PCCA: variants seen among roughly 807,000 people sequenced by gnomAD.
The protein encoded by PCCA is propionyl-CoA carboxylase alpha chain, mitochondrial.
In PCCA, 74 loss-of-function variants were observed where a neutral mutation model predicts 101.3. The observed-to-expected ratio is 0.73, with a 90% CI of 0.61 to 0.89. The LOEUF (loss-of-function observed/expected upper bound fraction) is 0.89. PCCA is among the 40% of genes least tolerant of loss of function. PCCA has a pLI of 0.00. For synonymous variants in PCCA, 294 were observed against 313.6 expected (o/e 0.94, Z 0.66); for missense variants, 891 against 907.0 (o/e 0.98, Z 0.23).
chr13:100,209,033 G>A (rs1242762270), intron 6 of PCCA, among the ~76,000 whole-genome samples: 3 of 152,148 alleles, frequency 2.0e-5, no homozygotes, highest in Non-Finnish European at 4.4e-5. Context: ...GCTAGATTAG[G>A]TGGTGTAGGA....
At chr13:100,121,554 A>G (rs1395171437) in intron 4 of PCCA, among the ~76,000 whole-genome samples, 1 of 150,538 alleles carries the variant, frequency 6.6e-6, no homozygotes, top group African/African-American at 2.4e-5. Flanking sequence ...GGCTCACTGT[A>G]ACCTCCGCCT....
At chr13:100,437,565 T>A (rs1042551267) in intron 20 of PCCA, among the ~76,000 whole-genome samples, 1 of 152,080 alleles carries the variant, frequency 6.6e-6, no homozygotes. Context: ...GTGTTTCTGT[T>A]TTCATTGCCG....
At chr13:100,236,041 C>T (rs1379542917) in intron 8 of PCCA, among the ~76,000 whole-genome samples, 163 bp downstream of exon 8, 1 of 152,106 alleles carries the variant, frequency 6.6e-6, no homozygotes, top group Non-Finnish European at 1.5e-5. Context: ...TTGCCAAATT[C>T]TATTATTAAA....
rs929339567 is a variant in PCCA, at chr13:100,498,419, G to A, written c.1900-17008G>A. On this transcript the variant is annotated intron_variant, in intron 21 of 23. Transcript: ENST00000376285. Reference sequence around the variant, plus strand: ...CCACAAATCAGTTGGAAACACGCCCGTATTAGTGACTGAAGAGCCTGCAAA... The same window carrying A: ...CCACAAATCAGTTGGAAACACGCCCATATTAGTGACTGAAGAGCCTGCAAA... 7.2e-5 allele frequency among the ~76,000 whole-genome samples: 11 copies of A among 152,194 alleles called. 1 individual carries two copies. In the South Asian group the frequency reaches 1.0e-3, roughly 14 times the overall value.
At chr13:100,500,811 C>T (rs942703265) in intron 21 of PCCA, among the ~76,000 whole-genome samples, 3 of 152,192 alleles carry the variant, frequency 2.0e-5, no homozygotes, top group African/African-American at 7.2e-5. Flanking sequence ...CTTGAGACAT[C>T]AAATAAGCAA....
intron 12 of PCCA, among the ~76,000 whole-genome samples, chr13:100,276,732 A>G (rs923154262): frequency 1.4e-4 from 22 of 151,834 alleles, no homozygotes; most frequent in Non-Finnish European, 2.4e-4. Context: ...TGAAATTTCT[A>G]TTTGGTTCTT....
At chr13:100,524,877 TA>T (rs2087627252) in intron 22 of PCCA, among the ~76,000 whole-genome samples, 1 of 151,908 alleles carries the variant, frequency 6.6e-6, no homozygotes. Context: ...GTCTCTAAGA[TA>T]GATAGATAGA....
At chr13:100,110,593 G>A (rs970609028) in intron 2 of PCCA, among the ~76,000 whole-genome samples, 19 of 152,152 alleles carry the variant, frequency 1.2e-4, no homozygotes, top group African/African-American at 3.9e-4. Flanking sequence ...TTCAAATGGT[G>A]TAATCTGCTT....
At position 100,470,368 on chromosome 13, in the gene PCCA, G is replaced by A. The variant is rs114824080; in HGVS notation, c.1899+21063G>A. Among the ~76,000 whole-genome samples, 942 of 152,218 alleles carry A rather than the reference G, an allele frequency of 6.2e-3. 16 individuals carry two copies. The highest frequency in any genetic ancestry group is 0.014 in the African/African-American group (594 of 41,538). Reference sequence around the variant, plus strand: ...AAAGACAGTAGCTTATGTTTATGGCGGGCACCTCTCATCACAGTCATTCCC... The same window carrying A: ...AAAGACAGTAGCTTATGTTTATGGCAGGCACCTCTCATCACAGTCATTCCC... On this transcript the variant is annotated intron_variant, in intron 21 of 23. Transcript: ENST00000376285.
intron 4 of PCCA, among the ~76,000 whole-genome samples, chr13:100,138,658 G>A (rs1233233827): frequency 1.3e-5 from 2 of 152,000 alleles, no homozygotes; most frequent in East Asian, 1.9e-4. Flanking sequence ...GTCTTGGCTG[G>A]GTGCAATAGC....
In PCCA at chr13:100,127,729, A is replaced by G. The variant is rs1210973401; in HGVS notation, c.300+15668A>G. ...AACACAGTGAAACCCCGTCTCTACTAAAAATACAAAAAGTTAGCCGGGCGT... is the reference window on the plus strand; with the variant it reads ...AACACAGTGAAACCCCGTCTCTACTGAAAATACAAAAAGTTAGCCGGGCGT... On this transcript the variant is annotated intron_variant, in intron 4 of 23. Transcript: ENST00000376285. Among the ~76,000 whole-genome samples the G allele has an allele frequency of 2.0e-5, 3 of 151,520 alleles. No homozygotes were observed. In the East Asian group the frequency reaches 5.9e-4, roughly 30 times the overall value.
intron 8 of PCCA, 93 bp from the exon 9 acceptor site, chr13:100,257,501 GT>G (rs1480144367): frequency 2.3e-6 from 2 of 874,782 alleles, no homozygotes; most frequent in Non-Finnish European, 1.9e-6. Flanking sequence ...ATTAATTATT[GT>G]TTTCTGCGTT....
chr13:100,449,867 A>AGTTTTAT lies in PCCA; in HGVS notation c.1899+564_1899+570dup, dbSNP rs1444335487. ...CCCAAATAGAATCAAAGTCATAAATAGTTTTATGGCTTATTATACATGTTG... is the reference window on the plus strand; with the variant it reads ...CCCAAATAGAATCAAAGTCATAAATAGTTTTATGTTTTATGGCTTATTATACATGTTG... On this transcript the variant is annotated intron_variant, in intron 21 of 23. Transcript: ENST00000376285. 2.6e-5 allele frequency among the ~76,000 whole-genome samples: 4 copies of AGTTTTAT among 152,232 alleles called. No homozygotes were observed. In the East Asian group the frequency reaches 7.7e-4, roughly 29 times the overall value.
chr13:100,292,957 G>GTGTGTGTGTGTGTGTGTC (rs1307386378), intron 12 of PCCA, among the ~76,000 whole-genome samples: 2 of 152,024 alleles, frequency 1.3e-5, no homozygotes, highest in Non-Finnish European at 1.5e-5. Context: ...GTGTGTGTGT[G>GTGTGTGTGTGTGTGTGTC]TGTCTGTTTG....
At chr13:100,408,821 A>G (rs188968324) in intron 19 of PCCA, among the ~76,000 whole-genome samples, 106 of 152,362 alleles carry the variant, frequency 7.0e-4, no homozygotes, top group Non-Finnish European at 1.1e-3. Flanking sequence ...AGTGTTTTCT[A>G]AAAGAGAAAA....
intron 7 of PCCA, among the ~76,000 whole-genome samples, chr13:100,213,765 T>C (rs1283981365): frequency 1.3e-5 from 2 of 152,202 alleles, no homozygotes; most frequent in African/African-American, 4.8e-5. Flanking sequence ...TTTGCTTTGC[T>C]TGCCTGGGCT....
chr13:100,243,537 A>G (rs2061272196), intron 8 of PCCA, among the ~76,000 whole-genome samples: 1 of 152,228 alleles, frequency 6.6e-6, no homozygotes, highest in Admixed American at 6.5e-5. Context: ...ATTCAAATAA[A>G]TTCAGTATAT....
intron 12 of PCCA, among the ~76,000 whole-genome samples, chr13:100,290,465 G>T (rs1182172078): frequency 6.6e-6 from 1 of 152,088 alleles, no homozygotes; most frequent in African/African-American, 2.4e-5. Context: ...CTCCAGCTTG[G>T]CCTCCCAAAG....
At chr13:100,313,328 TAGAG>T (rs1300792809) in intron 16 of PCCA, among the ~76,000 whole-genome samples, 1 of 152,178 alleles carries the variant, frequency 6.6e-6, no homozygotes, top group African/African-American at 2.4e-5. Context: ...GTTATTGCAA[TAGAG>T]AAAGAGTTTA....
Sources: gnomAD v4.1 joint callset for allele counts (sites outside exome capture counted in the v4.1 genomes callset) on GRCh38, gnomAD v4.1.1 for gene constraint, MANE v1.5 for transcripts, NCBI Gene and HGNC (gene_info 2026-07-23, HGNC 2026-07-21) for gene names.